TDRD1: variants seen among roughly 807,000 people sequenced by gnomAD.
The protein encoded by TDRD1 is tudor domain containing 1.
In TDRD1, 37 loss-of-function variants were observed where a neutral mutation model predicts 140.6. That is an observed-to-expected ratio of 0.26 (90% CI 0.20 to 0.35). The LOEUF is 0.35. Ranked by LOEUF, TDRD1 falls within the 10% of genes least tolerant of loss-of-function variation. The pLI, the probability that TDRD1 is intolerant of heterozygous loss-of-function variation, is 1.00. For missense variants in TDRD1, 1,243 were observed against 1,393.0 expected, an observed-to-expected ratio of 0.89 and a Z score of 1.71; for synonymous variants, 506 against 475.7, an observed-to-expected ratio of 1.06 and a Z score of -0.83.
chr10:114,212,082 TGAA>T, intron 14 of TDRD1, 46 bp downstream of exon 14: 1 of 1,504,888 alleles, frequency 6.6e-7, no homozygotes, highest in South Asian at 1.3e-5. Flanking sequence ...ATTCTACAGA[TGAA>T]GAAACATGAA....
chr10:114,187,677 A>G, intron 1 of TDRD1, 149 bp from the exon 2 acceptor site: 2 of 668,552 alleles, frequency 3.0e-6, no homozygotes, highest in Non-Finnish European at 4.7e-6. Context: ...TTGTCGGCCA[A>G]GTTTTGATGT....
At chr10:114,186,379 T>C (rs2033525689) in intron 1 of TDRD1, among the ~76,000 whole-genome samples, 1 of 152,100 alleles carries the variant, frequency 6.6e-6, no homozygotes, top group Non-Finnish European at 1.5e-5. Flanking sequence ...TTCTCCTGCC[T>C]CAGCCTCCTG....
chr10:114,218,467 G>T, exon 18 of TDRD1: 4 of 1,610,938 alleles, frequency 2.5e-6, no homozygotes, highest in Non-Finnish European at 3.4e-6. Flanking sequence ...AAATGGACAT[G>T]TTAAAGTACA....
chr10:114,195,099 C>T (rs2034253488), intron 3 of TDRD1, among the ~76,000 whole-genome samples: 1 of 152,046 alleles, frequency 6.6e-6, no homozygotes, highest in Non-Finnish European at 1.5e-5. Context: ...TCATCTTTAA[C>T]TCATGTATTA....
chr10:114,201,185 G>A (rs2034715131), intron 4 of TDRD1, among the ~76,000 whole-genome samples: 1 of 151,892 alleles, frequency 6.6e-6, no homozygotes, highest in East Asian at 1.9e-4. Context: ...TATATTCTGA[G>A]GTCTATTAGG....
At chr10:114,226,190 T>G in exon 22 of TDRD1, 1 of 1,613,392 alleles carries the variant, frequency 6.2e-7, no homozygotes, top group Non-Finnish European at 8.5e-7. Context: ...GCGCTTCCTT[T>G]CCAAATTATT....
chr10:114,228,878 G>A (rs2036591933), intron 25 of TDRD1: 8 of 674,740 alleles, frequency 1.2e-5, no homozygotes, highest in South Asian at 6.7e-5. Flanking sequence ...GAGCCCAGGC[G>A]TTCGAAGTCA....
In TDRD1 at chr10:114,226,031, A is replaced by G; in HGVS notation, c.3008-18A>G. ...CACTGACTGTAAGTTCTTACCTGAG[A>G]TTTCATTCTGTTTTCAGGTGATGAT... On this transcript the variant is annotated intron_variant, in intron 21 of 25. Transcript: ENST00000251864. 5 of 1,611,508 alleles carry G rather than the reference A, an allele frequency of 3.1e-6. No individual in the cohort carries two copies. The highest frequency in any genetic ancestry group is 4.2e-6 in the Non-Finnish European group (5 of 1,177,726).
intron 3 of TDRD1, among the ~76,000 whole-genome samples, chr10:114,195,135 A>G (rs2034256346): frequency 6.6e-6 from 1 of 152,120 alleles, no homozygotes; most frequent in Non-Finnish European, 1.5e-5. Flanking sequence ...TTTAGTTTCC[A>G]GGTGTTTGAA....
At chr10:114,180,654 AG>A (rs1292077241) in intron 1 of TDRD1, among the ~76,000 whole-genome samples, 2 of 152,118 alleles carry the variant, frequency 1.3e-5, no homozygotes, top group Non-Finnish European at 2.9e-5. Context: ...TAGTAGAGAC[AG>A]GGTTTCACCA....
At chr10:114,193,249 T>C (rs1005868461) in intron 3 of TDRD1, among the ~76,000 whole-genome samples, 2 of 151,904 alleles carry the variant, frequency 1.3e-5, no homozygotes, top group Non-Finnish European at 2.9e-5. Context: ...ATATGATTGG[T>C]TTTTGTATGT....
At position 114,196,663 on chromosome 10, in the gene TDRD1, T is replaced by TC. The variant is rs202127303; in HGVS notation, c.385-2502dup. ...CTTAATAGAAGGAATTTTAAAAATT[T>TC]CCCCCCCCATACAGGTAAGGGATTA... On this transcript the variant is annotated intron_variant, in intron 3 of 25. Coordinates refer to ENST00000251864, the Ensembl canonical transcript of TDRD1. Among the ~76,000 whole-genome samples, 1,004 of 151,262 alleles carry TC rather than the reference T, an allele frequency of 6.6e-3. 14 individuals are homozygous for TC. The highest frequency in any genetic ancestry group is 0.019 in the African/African-American group (777 of 41,184).
At chr10:114,188,103 G>A in exon 2 of TDRD1, 1 of 1,610,354 alleles carries the variant, frequency 6.2e-7, no homozygotes, top group African/African-American at 1.3e-5. Context: ...AACCCGAATG[G>A]CATCAACGGA....
intron 3 of TDRD1, among the ~76,000 whole-genome samples, chr10:114,192,178 C>CTTT (rs2034012264): frequency 6.7e-6 from 1 of 149,266 alleles, no homozygotes; most frequent in Admixed American, 6.7e-5. Context: ...TTAATAAAGT[C>CTTT]AGTTTTTCTT....
chr10:114,206,022 C>T (rs2035076930), intron 10 of TDRD1, among the ~76,000 whole-genome samples: 1 of 152,114 alleles, frequency 6.6e-6, no homozygotes, highest in Non-Finnish European at 1.5e-5. Flanking sequence ...AATTGTATTT[C>T]AGAGAAAAAA....
chr10:114,215,982 C>G (rs953850798), intron 16 of TDRD1, among the ~76,000 whole-genome samples: 3 of 152,124 alleles, frequency 2.0e-5, no homozygotes, highest in Non-Finnish European at 4.4e-5. Context: ...TTTTCTTCCA[C>G]TACATTTTGG....
chr10:114,213,385 T>C (rs1245704640), exon 15 of TDRD1: 1 of 1,613,836 alleles, frequency 6.2e-7, no homozygotes, highest in African/African-American at 1.3e-5. Context: ...CCAGAAGCTA[T>C]TTGTCTCATG....
chr10:114,197,439 A>G (rs371715527), intron 3 of TDRD1, among the ~76,000 whole-genome samples: 28 of 152,138 alleles, frequency 1.8e-4, no homozygotes, highest in African/African-American at 6.7e-4. Context: ...TTCTTTAGGG[A>G]GACTCCCTAT....
chr10:114,185,970 G>A (rs2033487591), intron 1 of TDRD1, among the ~76,000 whole-genome samples: 1 of 152,108 alleles, frequency 6.6e-6, no homozygotes, highest in South Asian at 2.1e-4. Flanking sequence ...TTGGTTATAT[G>A]TGTGCCTTTT....
Sources: gnomAD v4.1 joint callset for allele counts (sites outside exome capture counted in the v4.1 genomes callset) on GRCh38, gnomAD v4.1.1 for gene constraint, MANE v1.5 for transcripts, NCBI Gene and HGNC (gene_info 2026-07-23, HGNC 2026-07-21) for gene names.